Variants in ABI3BP observed in about 807,000 individuals in gnomAD.
ABI3BP encodes target of Nesh-SH3.
In ABI3BP, 216 loss-of-function variants were observed where a neutral mutation model predicts 268.6. The observed-to-expected ratio is 0.80, with a 90% confidence interval of 0.72 to 0.90. The LOEUF (loss-of-function observed/expected upper bound fraction) is 0.90. Among genes scored for constraint, ABI3BP ranks in the 40% least tolerant of loss-of-function variants. The pLI is 0.00. For synonymous variants in ABI3BP, 730 were observed against 730.0 expected (o/e 1.00, Z 0.00); for missense variants, 2,090 against 2,182.4 (o/e 0.96, Z 0.84).
intron 20 of ABI3BP, chr3:100,844,477 G>A (rs997479274): frequency 1.0e-6 from 1 of 984,462 alleles, no homozygotes; most frequent in Non-Finnish European, 1.2e-6. Flanking sequence ...AGGAAAAGGA[G>A]CCTGTAAAGG....
At chr3:100,896,100 T>C (rs2047536632) in intron 4 of ABI3BP, among the ~76,000 whole-genome samples, 1 of 152,258 alleles carries the variant, frequency 6.6e-6, no homozygotes, top group African/African-American at 2.4e-5. Context: ...AAGAATATCT[T>C]GCTTGTCATT....
chr3:100,836,989 T>C (rs2098603224), intron 27 of ABI3BP, 135 bp downstream of exon 27: 4 of 815,996 alleles, frequency 4.9e-6, no homozygotes, highest in Non-Finnish European at 7.4e-6. Flanking sequence ...AGGCCCCTGT[T>C]GAAAATAGTG....
intron 42 of ABI3BP, 138 bp downstream of exon 42, chr3:100,817,298 A>G: frequency 1.7e-6 from 1 of 585,908 alleles, no homozygotes; most frequent in South Asian, 3.2e-5. Flanking sequence ...ATAAAGTTGA[A>G]GGACAATATA....
At chr3:100,894,808 C>A (rs533637002) in intron 4 of ABI3BP, among the ~76,000 whole-genome samples, 1 of 151,216 alleles carries the variant, frequency 6.6e-6, no homozygotes, top group East Asian at 2.0e-4. Flanking sequence ...GCATGGTGGC[C>A]GGTGCCTGTA....
chr3:100,929,080 A>G (rs1049935228), intron 1 of ABI3BP, among the ~76,000 whole-genome samples: 6 of 152,102 alleles, frequency 3.9e-5, no homozygotes, highest in Non-Finnish European at 7.4e-5. Flanking sequence ...CTGCTACCTT[A>G]GAAGGCTATC....
chr3:100,957,476 T>C (rs566378428), intron 1 of ABI3BP, among the ~76,000 whole-genome samples: 56 of 152,224 alleles, frequency 3.7e-4, no homozygotes, highest in Admixed American at 1.2e-3. Context: ...GATCTGAAGT[T>C]GAAGGGAGTG....
In ABI3BP at chr3:100,834,755, C is replaced by T. The variant is rs935232722; in HGVS notation, c.2210G>A (p.Arg737Gln). 4.3e-5 allele frequency: 66 copies of T among 1,535,414 alleles called. 1 individual carries two copies. The highest frequency in any genetic ancestry group is 5.9e-5 in the Admixed American group (3 of 50,934). Residue 737 changes from arginine to glutamine, a missense_variant, in exon 29 of 68, where the codon CGA (arginine) becomes CAA (glutamine). Arg to Gln is a conservative substitution (Grantham distance 43). Transcript: ENST00000471714. The stretch of plus-strand genomic sequence containing the variant: ...GGGACGTGGACGACGTGTTCTTGTT[C>T]GTTGCGATGTTTTTGGAGCTAAAGA... ...VTTLAPKTSQ[R>Q]TRTRRPRPKH...
chr3:100,990,676 A>G (rs1349198), intron 1 of ABI3BP, among the ~76,000 whole-genome samples: 28,450 of 151,480 alleles, frequency 0.19, 2,782 homozygotes, highest in East Asian at 0.37. Context: ...AAAGAAATTT[A>G]CAAGAAACTC....
intron 57 of ABI3BP, among the ~76,000 whole-genome samples, chr3:100,786,535 T>C (rs568319479): frequency 6.6e-6 from 1 of 152,308 alleles, no homozygotes; most frequent in South Asian, 2.1e-4. Context: ...TCAAGTGTGA[T>C]CACAGCTACT....
chr3:100,895,030 T>G (rs550500744), intron 4 of ABI3BP, among the ~76,000 whole-genome samples: 1 of 141,178 alleles, frequency 7.1e-6, no homozygotes, highest in Non-Finnish European at 1.5e-5. Flanking sequence ...AAACTATTCA[T>G]AAAGCTTTAA....
chr3:100,823,629 A>AAAC (rs61061653), intron 36 of ABI3BP, 115 bp from the exon 37 acceptor site: 2 of 786,914 alleles, frequency 2.5e-6, no homozygotes, highest in African/African-American at 3.6e-5. Flanking sequence ...CAAAAAAAAA[A>AAAC]TTAACTTCTT....
At chr3:100,961,158 G>C (rs1156615693) in intron 1 of ABI3BP, among the ~76,000 whole-genome samples, 1 of 152,242 alleles carries the variant, frequency 6.6e-6, no homozygotes, top group African/African-American at 2.4e-5. Context: ...CTAGGCTAAA[G>C]AAAGAAGTTG....
intron 14 of ABI3BP, among the ~76,000 whole-genome samples, chr3:100,854,068 T>G (rs1304182680): frequency 1.3e-5 from 2 of 151,856 alleles, no homozygotes; most frequent in African/African-American, 4.8e-5. Context: ...GTAAAGAGAT[T>G]GCCTGGGCGT....
chr3:100,961,314 A>T (rs973424190), intron 1 of ABI3BP, among the ~76,000 whole-genome samples: 2 of 152,248 alleles, frequency 1.3e-5, no homozygotes, highest in Non-Finnish European at 2.9e-5. Context: ...ACAGAAAATT[A>T]GCAAGAAATG....
intron 3 of ABI3BP, 62 bp downstream of exon 3, chr3:100,902,556 G>A (rs1561470652): frequency 1.3e-6 from 2 of 1,514,336 alleles, no homozygotes; most frequent in South Asian, 1.2e-5. Flanking sequence ...GGGTCCAAAA[G>A]AGATGAAAAG....
chr3:100,895,312 T>C (rs1429947850), intron 4 of ABI3BP, among the ~76,000 whole-genome samples: 1 of 152,108 alleles, frequency 6.6e-6, no homozygotes, highest in African/African-American at 2.4e-5. Flanking sequence ...TCTTAAAGCA[T>C]GGGAGACCCA....
intron 2 of ABI3BP, among the ~76,000 whole-genome samples, chr3:100,923,945 G>A (rs551179462): frequency 2.6e-5 from 4 of 152,198 alleles, no homozygotes; most frequent in Non-Finnish European, 4.4e-5. Flanking sequence ...AATGGGACAG[G>A]CAGCCATTAT....
At chr3:100,830,676 T>A (rs2098475481) in intron 31 of ABI3BP, 42 bp from the exon 32 acceptor site, 1 of 1,471,146 alleles carries the variant, frequency 6.8e-7, no homozygotes, top group Admixed American at 2.0e-5. Flanking sequence ...ATTTTGTGAA[T>A]GCATGAAATG....
chr3:100,921,075 A>C (rs750830731), intron 2 of ABI3BP, among the ~76,000 whole-genome samples: 4 of 152,196 alleles, frequency 2.6e-5, no homozygotes, highest in Admixed American at 2.0e-4. Flanking sequence ...CAAGATAGTG[A>C]CTGAGAGGCC....
Sources: allele counts gnomAD v4.1 joint callset (sites outside exome capture counted in the v4.1 genomes callset), GRCh38; gene constraint gnomAD v4.1.1; transcripts MANE v1.5; gene names NCBI Gene and HGNC (gene_info 2026-07-23, HGNC 2026-07-21).